Variants in ZMYND8 observed in about 807,000 individuals in gnomAD.
ZMYND8 encodes zinc finger MYND-type containing 8, also known as MYND-type zinc finger-containing chromatin reader ZMYND8.
A neutral mutation model predicts 140.8 loss-of-function variants in ZMYND8; 37 were observed. The observed-to-expected ratio is 0.26, with a 90% CI of 0.20 to 0.35. The LOEUF (loss-of-function observed/expected upper bound fraction) is 0.35. Among genes scored for constraint, ZMYND8 ranks in the 10% least tolerant of loss-of-function variants. ZMYND8 has a pLI of 1.00. For synonymous variants in ZMYND8, 592 were observed against 597.1 expected (o/e 0.99, Z 0.12); for missense variants, 1,068 against 1,570.0 (o/e 0.68, Z 5.40).
At chr20:47,235,987 C>G (rs1342005931) in intron 16 of ZMYND8, among the ~76,000 whole-genome samples, 1 of 152,234 alleles carries the variant, frequency 6.6e-6, no homozygotes, top group Non-Finnish European at 1.5e-5. Flanking sequence ...TAAATGCAAA[C>G]CAAACCCCTG....
At chr20:47,285,925 T>G in intron 8 of ZMYND8, 3 of 821,092 alleles carry the variant, frequency 3.7e-6, no homozygotes, top group Non-Finnish European at 4.4e-6. Flanking sequence ...GCTTGGTGGC[T>G]GAGGCCTATA....
chr20:47,228,666 CATT>C (rs2038042519), intron 17 of ZMYND8, among the ~76,000 whole-genome samples: 1 of 152,184 alleles, frequency 6.6e-6, no homozygotes, highest in Non-Finnish European at 1.5e-5. Context: ...TTTGTATTCA[CATT>C]GTCTTCTGTT....
intron 11 of ZMYND8, among the ~76,000 whole-genome samples, chr20:47,267,612 G>C (rs1204274201): frequency 6.6e-6 from 1 of 152,016 alleles, no homozygotes; most frequent in African/African-American, 2.4e-5. Context: ...CTTCTTCCAG[G>C]GCACTCTCCA....
At position 47,298,261 on chromosome 20, in the gene ZMYND8, T is replaced by C. The variant is rs997490120; in HGVS notation, c.453+468A>G. The C allele has an allele frequency of 2.0e-6, 2 of 985,128 alleles. No individual in the cohort carries two copies. Among genetic ancestry groups the C allele is most frequent in the African/African-American group, 3.5e-5 (2 of 57,200 alleles). The allele number at this position is 985,128 out of a possible 1,614,324, so 61.0% of individuals were successfully genotyped here. ...CTAATAGGCACTCAAGAAATACTTG[T>C]TGCACAAAAGAAAGCACCAGACGGC... On this transcript the variant is annotated intron_variant, in intron 4 of 22. Transcript: ENST00000471951. The surrounding 1 kb of genome is among the most constrained non-coding windows in gnomAD (Gnocchi z 5.0).
intron 21 of ZMYND8, among the ~76,000 whole-genome samples, chr20:47,219,298 C>T (rs183818159): frequency 1.4e-3 from 211 of 151,766 alleles, no homozygotes; most frequent in Middle Eastern, 6.8e-3. Context: ...CCTTGTGATC[C>T]GCCCACCTCA....
intron 4 of ZMYND8, among the ~76,000 whole-genome samples, chr20:47,295,705 C>G (rs1287642830): frequency 2.0e-5 from 3 of 152,196 alleles, no homozygotes; most frequent in African/African-American, 4.8e-5. Flanking sequence ...AACTGTCTAT[C>G]TCCATGGGTA....
chr20:47,260,302 G>A (rs975626143), intron 12 of ZMYND8, among the ~76,000 whole-genome samples: 115 of 152,176 alleles, frequency 7.6e-4, no homozygotes, highest in Non-Finnish European at 5.6e-4. Context: ...AGCACCGAGG[G>A]CTTCTTCTGA....
rs1365193231 is a variant in ZMYND8, at chr20:47,352,404, A to G, written c.14+4253T>C. 5 of 967,194 alleles carry G rather than the reference A, an allele frequency of 5.2e-6. No homozygotes were observed. In the East Asian group the frequency reaches 5.7e-4, roughly 111 times the overall value. 59.9% of individuals were successfully genotyped at this position (967,194 alleles called of 1,614,324 possible). On this transcript the variant is annotated intron_variant, in intron 1 of 22. Transcript: ENST00000471951. ...AGCAGCCAGTCCTAAGACAGTTAAC[A>G]TCAAGGAAAGACAATCCGAGTCTGC...
intron 15 of ZMYND8, among the ~76,000 whole-genome samples, chr20:47,236,959 C>A (rs2147158239): frequency 6.6e-6 from 1 of 152,318 alleles, no homozygotes; most frequent in South Asian, 2.1e-4. Flanking sequence ...TCGCTCCCAT[C>A]CCTACTCCCT....
intron 20 of ZMYND8, 71 bp from the exon 21 acceptor site, chr20:47,220,395 G>A: frequency 8.0e-7 from 1 of 1,251,104 alleles, no homozygotes; most frequent in Non-Finnish European, 1.1e-6. Flanking sequence ...GGAAATCCAG[G>A]GAGTCATGGG....
intron 11 of ZMYND8, among the ~76,000 whole-genome samples, chr20:47,273,267 C>T (rs927677908): frequency 1.3e-5 from 2 of 152,076 alleles, no homozygotes; most frequent in African/African-American, 4.8e-5. Context: ...AAACATGCAA[C>T]TTATATGAAA....
rs184120383 is a variant in ZMYND8, at chr20:47,290,871, T to C, written c.661-597A>G. Among the ~76,000 whole-genome samples, 604 of 152,116 alleles carry C rather than the reference T, an allele frequency of 4.0e-3. 2 individuals carry two copies. Among genetic ancestry groups the C allele is most frequent in the African/African-American group, 0.013 (552 of 41,504 alleles). ...CTCCCAAACTGCTGGGATTACAGGC[T>C]TGAGCCACCGCGCCCGGCCAAACAG... On this transcript the variant is annotated intron_variant, in intron 6 of 22. Coordinates refer to ENST00000471951, the MANE Select transcript of ZMYND8 (RefSeq NM_001281775.3).
At chr20:47,283,686 G>T (rs574723687) in intron 8 of ZMYND8, 38 bp from the exon 9 acceptor site, 2 of 1,598,564 alleles carry the variant, frequency 1.3e-6, no homozygotes, top group East Asian at 2.2e-5. Context: ...GTCACCCCAG[G>T]GGTGGATATC....
At chr20:47,342,896 A>C (rs1050937912) in intron 2 of ZMYND8, among the ~76,000 whole-genome samples, 3 of 151,986 alleles carry the variant, frequency 2.0e-5, no homozygotes, top group Non-Finnish European at 4.4e-5. Context: ...TCCATAGAGA[A>C]ATGGATGATT....
chr20:47,255,679 G>C (rs1323207685), intron 12 of ZMYND8, among the ~76,000 whole-genome samples: 1 of 114,120 alleles, frequency 8.8e-6, no homozygotes, highest in African/African-American at 3.8e-5. Context: ...TATGGTGTAT[G>C]TGTGTGTGTG....
At position 47,251,737 on chromosome 20, in the gene ZMYND8, G is replaced by T. The variant is rs1190292348; in HGVS notation, c.1622-2298C>A. Reference sequence around the variant, plus strand: ...GGGAACACTAAAAGAAAAGGGAGGAGCGCCTCTGCCCAGTCGCCCCACCAT... The same window carrying T: ...GGGAACACTAAAAGAAAAGGGAGGATCGCCTCTGCCCAGTCGCCCCACCAT... On this transcript the variant is annotated intron_variant, in intron 12 of 22. Transcript: ENST00000471951. Among the ~76,000 whole-genome samples, 3 of 152,146 alleles carry T rather than the reference G, an allele frequency of 2.0e-5. 1 individual carries two copies. The highest frequency in any genetic ancestry group is 2.0e-4 in the Admixed American group (3 of 15,274).
chr20:47,305,294 T>C (rs755838896), intron 3 of ZMYND8, among the ~76,000 whole-genome samples: 2 of 151,424 alleles, frequency 1.3e-5, no homozygotes, highest in African/African-American at 2.4e-5. Context: ...TCACCCAGGC[T>C]GGAGTGCAGT....
At chr20:47,249,711 G>T (rs1428846856) in intron 12 of ZMYND8, among the ~76,000 whole-genome samples, 1 of 152,196 alleles carries the variant, frequency 6.6e-6, no homozygotes, top group Non-Finnish European at 1.5e-5. Flanking sequence ...ATCCCAGCCA[G>T]ATGGCTCAGT....
intron 13 of ZMYND8, 124 bp downstream of exon 13, chr20:47,249,163 G>A: frequency 8.4e-7 from 1 of 1,188,040 alleles, no homozygotes; most frequent in South Asian, 1.7e-5. Flanking sequence ...TGAGCAAATA[G>A]TTGAAAGTTA....
Sources: gnomAD v4.1 joint callset for allele counts (sites outside exome capture counted in the v4.1 genomes callset) on GRCh38, gnomAD v4.1.1 for gene constraint, Gnocchi (gnomAD v3.1) non-coding constraint, MANE v1.5 for transcripts, NCBI Gene and HGNC (gene_info 2026-07-23, HGNC 2026-07-21) for gene names.